TOR1AIP1: variants seen among roughly 807,000 people sequenced by gnomAD.
The protein encoded by TOR1AIP1 is torsin 1A interacting protein 1, also known as torsin-1A-interacting protein 1.
A neutral mutation model predicts 63.3 loss-of-function variants in TOR1AIP1; 54 were observed. The ratio of observed to expected loss-of-function variants is 0.85; its 90% CI spans 0.69 to 1.07. The LOEUF is 1.07. TOR1AIP1 is among the 50% of genes least tolerant of loss of function. The pLI, the probability that TOR1AIP1 is intolerant of heterozygous loss-of-function variation, is 0.00. For missense variants in TOR1AIP1, 736 were observed against 715.0 expected, an observed-to-expected ratio of 1.03 and a Z score of -0.33; for synonymous variants, 294 against 273.5, an observed-to-expected ratio of 1.07 and a Z score of -0.74.
At chr1:179,897,461 T>C (rs1235609983) in intron 3 of TOR1AIP1, among the ~76,000 whole-genome samples, 1 of 152,154 alleles carries the variant, frequency 6.6e-6, no homozygotes. Context: ...ATAAAACATA[T>C]CTTCAAATGT....
At chr1:179,907,733 T>A (rs1352262995) in intron 6 of TOR1AIP1, 90 bp from the exon 7 acceptor site, 6 of 853,946 alleles carry the variant, frequency 7.0e-6, no homozygotes, top group Non-Finnish European at 8.8e-6. Context: ...GTTTTTAGTA[T>A]CCACAGTAAA....
At chr1:179,895,663 GC>G (rs1558041305) in intron 3 of TOR1AIP1, among the ~76,000 whole-genome samples, 1 of 152,166 alleles carries the variant, frequency 6.6e-6, no homozygotes, top group Non-Finnish European at 1.5e-5. Flanking sequence ...ACTTCGGGAG[GC>G]CGAAGCAGGT....
chr1:179,916,360 G>A (rs918241177), intron 9 of TOR1AIP1, among the ~76,000 whole-genome samples: 20 of 152,178 alleles, frequency 1.3e-4, no homozygotes, highest in African/African-American at 4.6e-4. Context: ...ATAGGGTCTT[G>A]AGGTACCCCA....
At chr1:179,917,295 A>G (rs924091543) in intron 9 of TOR1AIP1, among the ~76,000 whole-genome samples, 157 bp from the exon 10 acceptor site, 2 of 152,220 alleles carry the variant, frequency 1.3e-5, no homozygotes, top group African/African-American at 4.8e-5. Context: ...TGAGAATGTG[A>G]TAAATTATTT....
At position 179,882,539 on chromosome 1, in the gene TOR1AIP1, G is replaced by A. The variant is rs749592068; in HGVS notation, c.37G>A (p.Glu13Lys). The change falls in exon 1 of 10, where the codon GAA becomes AAA. Residue 13 changes from glutamate to lysine, a missense_variant. Coordinates refer to ENST00000606911, the MANE Select transcript of TOR1AIP1 (RefSeq NM_015602.4). Reference protein sequence around the residue: ...GDGRRAEAVREGWGVYVTPRA... With the variant: ...GDGRRAEAVRKGWGVYVTPRA... The stretch of plus-strand genomic sequence containing the variant: ...CGGGCGGCGGGCAGAGGCGGTGCGG[G>A]AAGGATGGGGTGTGTACGTCACCCC... 2.6e-5 allele frequency: 38 copies of A among 1,480,014 alleles called. No individual in the cohort carries two copies. In the East Asian group the frequency reaches 3.4e-4, roughly 13 times the overall value. 91.7% of individuals were successfully genotyped at this position (1,480,014 alleles called of 1,614,324 possible). A position where few individuals can be genotyped will look rare whatever the true frequency, so the allele number is the denominator to read the frequency against.
intron 5 of TOR1AIP1, among the ~76,000 whole-genome samples, 172 bp from the exon 6 acceptor site, chr1:179,903,794 C>A (rs1034162381): frequency 2.6e-5 from 4 of 152,226 alleles, no homozygotes; most frequent in African/African-American, 9.6e-5. Context: ...TAGGCAAGAG[C>A]CACTGCACCC....
chr1:179,906,645 T>C (rs2148479245), intron 6 of TOR1AIP1, among the ~76,000 whole-genome samples: 1 of 152,178 alleles, frequency 6.6e-6, no homozygotes, highest in Admixed American at 6.5e-5. Context: ...TGGTATGGTA[T>C]GTGGTATATG....
chr1:179,885,014 C>A (rs1200906360), intron 2 of TOR1AIP1, among the ~76,000 whole-genome samples: 1 of 152,184 alleles, frequency 6.6e-6, no homozygotes, highest in Non-Finnish European at 1.5e-5. Flanking sequence ...AAAATTCAAA[C>A]CCAGGTTTGT....
intron 3 of TOR1AIP1, among the ~76,000 whole-genome samples, chr1:179,893,358 A>G (rs1335831933): frequency 6.6e-6 from 1 of 152,180 alleles, no homozygotes; most frequent in Non-Finnish European, 1.5e-5. Context: ...CTTGAATACT[A>G]GTGATACCAC....
chr1:179,898,901 GT>G (rs915169442), intron 3 of TOR1AIP1, among the ~76,000 whole-genome samples: 22 of 146,760 alleles, frequency 1.5e-4, no homozygotes, highest in East Asian at 4.0e-4. Context: ...CTCTGGGTTA[GT>G]TTTTTTTTTT....
chr1:179,903,966 A>G lies in TOR1AIP1; in HGVS notation c.740A>G (p.Asp247Gly). 1 of 1,590,620 alleles carries G rather than the reference A, an allele frequency of 6.3e-7. No individual in the cohort carries two copies. The highest frequency in any genetic ancestry group is 1.1e-5 in the South Asian group (1 of 88,834). ...TAGTGTACTGTTTTTTATTTTTTAG[A>G]TAAAACCACCAGATCATCTAGTCAA... ...ARSRDSDESG[D>G]KTTRSSSQYI... Residue 247 changes from aspartate to glycine, a missense_variant and splice_region_variant, in exon 6 of 10, where the codon GAT (aspartate) becomes GGT (glycine). Asp to Gly is a moderately conservative substitution (Grantham distance 94). Coordinates refer to ENST00000606911, the MANE Select transcript of TOR1AIP1 (RefSeq NM_015602.4).
intron 3 of TOR1AIP1, among the ~76,000 whole-genome samples, chr1:179,894,039 G>A (rs991811034): frequency 9.9e-5 from 15 of 151,626 alleles, no homozygotes; most frequent in Non-Finnish European, 2.2e-4. Flanking sequence ...AGAGGCGGGC[G>A]GATCACGAGG....
chr1:179,887,335 G>C (rs1352553890), intron 2 of TOR1AIP1, among the ~76,000 whole-genome samples: 1 of 152,094 alleles, frequency 6.6e-6, no homozygotes, highest in East Asian at 1.9e-4. Context: ...GGAGGCGGAG[G>C]TTGCAGTGAG....
At chr1:179,904,176 A>C (rs978292481) in intron 6 of TOR1AIP1, among the ~76,000 whole-genome samples, 154 bp downstream of exon 6, 5 of 152,222 alleles carry the variant, frequency 3.3e-5, no homozygotes, top group African/African-American at 1.2e-4. Context: ...CTACCACTTG[A>C]CCTTGCTTAT....
At chr1:179,900,711 CT>C (rs927278186) in intron 4 of TOR1AIP1, 2 of 152,212 alleles carry the variant, frequency 1.3e-5, no homozygotes, top group African/African-American at 4.8e-5. Flanking sequence ...TTTTAAGCAT[CT>C]TTTGTCTATT....
At chr1:179,901,706 T>C (rs1648470784) in intron 5 of TOR1AIP1, among the ~76,000 whole-genome samples, 1 of 152,168 alleles carries the variant, frequency 6.6e-6, no homozygotes, top group Non-Finnish European at 1.5e-5. Context: ...CTGACAACAC[T>C]ATCTGGAGTG....
intron 8 of TOR1AIP1, 100 bp downstream of exon 8, chr1:179,908,773 G>T: frequency 1.0e-6 from 1 of 982,324 alleles, no homozygotes; most frequent in East Asian, 2.7e-5. Context: ...TAGGTTGTTT[G>T]TGATTTCACT....
chr1:179,882,681 C>A lies in TOR1AIP1; in HGVS notation c.179C>A (p.Ser60Ter). ...CAGGGCCGGCGGGAAGTGAGGTTCTCGGACGAGCCGCCAGAAGTGTACGGC... is the reference window on the plus strand; with the variant it reads ...CAGGGCCGGCGGGAAGTGAGGTTCTAGGACGAGCCGCCAGAAGTGTACGGC... ...SRQGRREVRF[S>*]DEPPEVYGDF... Residue 60 changes from serine (S) to a stop codon, truncating the protein, a stop_gained, in exon 1 of 10, where the codon TCG becomes TAG. Coordinates refer to ENST00000606911, the MANE Select transcript of TOR1AIP1 (RefSeq NM_015602.4). LOFTEE classifies it high-confidence loss of function. 6.2e-7 allele frequency: 1 copy of A among 1,602,942 alleles called. No homozygotes were observed. The highest frequency in any genetic ancestry group is 8.5e-7 in the Non-Finnish European group (1 of 1,173,858).
At position 179,917,601 on chromosome 1, in the gene TOR1AIP1, A is replaced by G; in HGVS notation, c.1114A>G (p.Met372Val). Reference protein sequence around the residue: ...TTAVQEFQNQMNQLKNKYQGQ... With the variant: ...TTAVQEFQNQVNQLKNKYQGQ... ...TGCTGTTCAAGAGTTCCAGAACCAGATGAATCAACTTAAGAATAAGTACCA... is the reference window on the plus strand; with the variant it reads ...TGCTGTTCAAGAGTTCCAGAACCAGGTGAATCAACTTAAGAATAAGTACCA... Residue 372 changes from methionine (M) to valine (V), a missense_variant, in exon 10 of 10, where the codon ATG becomes GTG. Around this residue, in one of 2 missense-constraint regions of TOR1AIP1, gnomAD observed 272 missense variants for 344.1 expected, o/e 0.79. Transcript: ENST00000606911. 1 of 1,614,166 alleles carries G rather than the reference A, an allele frequency of 6.2e-7. No homozygotes were observed. Among genetic ancestry groups the G allele is most frequent in the Non-Finnish European group, 8.5e-7 (1 of 1,180,036 alleles).
Sources: gnomAD v4.1 joint callset for allele counts (sites outside exome capture counted in the v4.1 genomes callset) on GRCh38, gnomAD v4.1.1 for gene constraint, gnomAD v4.1.1 regional missense constraint, MANE v1.5 for transcripts, NCBI Gene and HGNC (gene_info 2026-07-23, HGNC 2026-07-21) for gene names.